STAG1: variants seen among roughly 807,000 people sequenced by gnomAD.
The protein encoded by STAG1 is STAG1 cohesin complex component, also known as cohesin subunit SA-1.
Under a neutral mutation model 170.9 loss-of-function variants are expected in STAG1, and 26 were observed. The ratio of observed to expected loss-of-function variants is 0.15; its 90% CI spans 0.11 to 0.21. The LOEUF is 0.21. Among genes scored for constraint, STAG1 ranks in the 10% least tolerant of loss-of-function variants. The pLI, the probability that STAG1 is intolerant of heterozygous loss-of-function variation, is 1.00. For synonymous variants in STAG1, 514 were observed against 497.7 expected (o/e 1.03, Z -0.44); for missense variants, 964 against 1,509.5 (o/e 0.64, Z 5.99).
chr3:136,450,877 T>C (rs965900724), intron 14 of STAG1, among the ~76,000 whole-genome samples: 3 of 152,130 alleles, frequency 2.0e-5, no homozygotes, highest in Non-Finnish European at 4.4e-5. Flanking sequence ...GACTCTTTAT[T>C]AGCTGTGATT....
At chr3:136,531,199 A>G (rs1050464410) in intron 6 of STAG1, among the ~76,000 whole-genome samples, 63 of 151,112 alleles carry the variant, frequency 4.2e-4, no homozygotes, top group Non-Finnish European at 7.1e-4. Context: ...GCAAATCAAA[A>G]CCACAATGAG....
At chr3:136,561,973 C>G (rs1383134333) in intron 5 of STAG1, among the ~76,000 whole-genome samples, 1 of 152,122 alleles carries the variant, frequency 6.6e-6, no homozygotes, top group East Asian at 1.9e-4. Context: ...TATACAGATG[C>G]ATTTGTTCTG....
chr3:136,613,860 C>A (rs1939441690), intron 3 of STAG1, among the ~76,000 whole-genome samples: 1 of 152,206 alleles, frequency 6.6e-6, no homozygotes, highest in African/African-American at 2.4e-5. Flanking sequence ...TGGACCCAGA[C>A]TGATTCTTTA....
chr3:136,388,354 C>T (rs577043337), intron 22 of STAG1, among the ~76,000 whole-genome samples: 29 of 152,184 alleles, frequency 1.9e-4, no homozygotes, highest in African/African-American at 7.0e-4. Context: ...AACAGAAGAA[C>T]TGGGAGCTGC....
At chr3:136,406,511 A>C (rs145685134) in intron 21 of STAG1, among the ~76,000 whole-genome samples, 2 of 152,234 alleles carry the variant, frequency 1.3e-5, no homozygotes, top group Non-Finnish European at 2.9e-5. Flanking sequence ...ATTAAAATTC[A>C]TAAGACTGTA....
intron 32 of STAG1, 152 bp from the exon 33 acceptor site, chr3:136,338,602 AAT>A: frequency 4.8e-6 from 3 of 627,814 alleles, no homozygotes; most frequent in Non-Finnish European, 8.3e-6. Flanking sequence ...TTTTATATGA[AAT>A]AGATTTTTTA....
At chr3:136,472,530 C>A in intron 11 of STAG1, 38 bp from the exon 12 acceptor site, 1 of 1,434,786 alleles carries the variant, frequency 7.0e-7, no homozygotes, top group Admixed American at 1.7e-5. Flanking sequence ...CAACTATGAA[C>A]AGAAAATAAG....
chr3:136,466,778 A>G (rs961383905), intron 12 of STAG1, among the ~76,000 whole-genome samples: 1 of 152,240 alleles, frequency 6.6e-6, no homozygotes, highest in Non-Finnish European at 1.5e-5. Context: ...CCACAAAGGG[A>G]AGCCCATCAG....
At chr3:136,701,330 T>C (rs868483686) in intron 1 of STAG1, among the ~76,000 whole-genome samples, 5 of 152,198 alleles carry the variant, frequency 3.3e-5, no homozygotes, top group Admixed American at 1.3e-4. Flanking sequence ...AACTGAATTT[T>C]ATCCTTGACC....
chr3:136,611,932 C>G (rs909204122), intron 3 of STAG1, among the ~76,000 whole-genome samples: 2 of 151,942 alleles, frequency 1.3e-5, no homozygotes, highest in African/African-American at 4.8e-5. Context: ...ACCGCAAGCT[C>G]CGCCTCCTGG....
intron 22 of STAG1, among the ~76,000 whole-genome samples, chr3:136,397,436 A>G (rs1051203634): frequency 2.7e-5 from 4 of 146,668 alleles, no homozygotes; most frequent in Admixed American, 1.4e-4. Context: ...CTTAATCAAA[A>G]TCTCAACTTT....
At chr3:136,676,973 G>A (rs1942145532) in intron 1 of STAG1, among the ~76,000 whole-genome samples, 1 of 152,078 alleles carries the variant, frequency 6.6e-6, no homozygotes, top group African/African-American at 2.4e-5. Context: ...TCCACATGCT[G>A]TCCCACTGGA....
intron 5 of STAG1, among the ~76,000 whole-genome samples, chr3:136,548,032 T>C (rs1412069052): frequency 1.3e-5 from 2 of 152,314 alleles, no homozygotes; most frequent in East Asian, 3.8e-4. Context: ...AAGTTGTCCA[T>C]ACATACGTGA....
At chr3:136,389,217 A>C (rs1255091652) in intron 22 of STAG1, among the ~76,000 whole-genome samples, 2 of 152,228 alleles carry the variant, frequency 1.3e-5, no homozygotes, top group African/African-American at 2.4e-5. Context: ...GGATATTTGT[A>C]AACGAGGCAA....
chr3:136,520,813 T>C (rs1934632991), intron 7 of STAG1, among the ~76,000 whole-genome samples: 1 of 152,134 alleles, frequency 6.6e-6, no homozygotes, highest in African/African-American at 2.4e-5. Flanking sequence ...TATAAACAAG[T>C]ATTTACCCAC....
At chr3:136,529,516 A>G (rs887085651) in intron 6 of STAG1, among the ~76,000 whole-genome samples, 2 of 152,202 alleles carry the variant, frequency 1.3e-5, no homozygotes, top group Non-Finnish European at 2.9e-5. Context: ...CAACAACAAA[A>G]AACCCTGCTA....
At position 136,498,233 on chromosome 3, in the gene STAG1, T is replaced by TATACAC; in HGVS notation, c.902+1989_902+1990insGTGTAT. 2.4e-4 allele frequency among the ~76,000 whole-genome samples: 14 copies of TATACAC among 57,512 alleles called. 1 individual carries two copies. Among genetic ancestry groups the TATACAC allele is most frequent in the South Asian group, 5.8e-4 (1 of 1,730 alleles). The allele number at this position is 57,512 out of a possible 152,430, so 37.7% of individuals were successfully genotyped here. Reference sequence around the variant, plus strand: ...AATTATATATATATATATATATATATACACATACATATACATACACACACA... The same window carrying TATACAC: ...AATTATATATATATATATATATATATATACACACACATACATATACATACACACACA... On this transcript the variant is annotated intron_variant, in intron 9 of 33. Coordinates refer to ENST00000383202, the MANE Select transcript of STAG1 (RefSeq NM_005862.3).
At chr3:136,442,511 C>T (rs934870655) in intron 15 of STAG1, among the ~76,000 whole-genome samples, 1 of 152,118 alleles carries the variant, frequency 6.6e-6, no homozygotes, top group South Asian at 2.1e-4. Context: ...TATCATGTGG[C>T]TCTTATGTCC....
intron 1 of STAG1, chr3:136,737,349 A>G (rs9881078): frequency 0.33 from 118,402 of 361,282 alleles, 21,543 homozygotes; most frequent in African/African-American, 0.55. Context: ...TGATCCACCC[A>G]CCTCAGCCTC....
Sources: allele counts gnomAD v4.1 joint callset (sites outside exome capture counted in the v4.1 genomes callset), GRCh38; gene constraint gnomAD v4.1.1; transcripts MANE v1.5; gene names NCBI Gene and HGNC (gene_info 2026-07-23, HGNC 2026-07-21).